The following PDE4D variants were observed in gnomAD, a reference collection of about 807,000 sequenced individuals.
PDE4D encodes 3',5'-cyclic-AMP phosphodiesterase 4D.
A neutral mutation model predicts 87.4 loss-of-function variants in PDE4D; 24 were observed. The observed-to-expected ratio is 0.27, with a 90% CI of 0.20 to 0.39. PDE4D has a LOEUF of 0.39. Ranked by LOEUF, PDE4D falls within the 10% of genes least tolerant of loss-of-function variation. The pLI, the probability that PDE4D is intolerant of heterozygous loss-of-function variation, is 1.00. For synonymous variants in PDE4D, 384 were observed against 383.2 expected (o/e 1.00, Z -0.02); for missense variants, 714 against 1,041.0 (o/e 0.69, Z 4.32).
In PDE4D at chr5:59,357,959, T is replaced by C. The variant is rs183341413; in HGVS notation, c.456-141991A>G. Among the ~76,000 whole-genome samples, 10 of 152,124 alleles carry C rather than the reference T, an allele frequency of 6.6e-5. No homozygotes were observed. In the East Asian group the frequency reaches 1.9e-3, roughly 29 times the overall value. ...TAGAGAGGCTTCAAGTGCCCAAGAGTGAATTTAACCCTCTCTGAACTGGAC... is the reference window on the plus strand; with the variant it reads ...TAGAGAGGCTTCAAGTGCCCAAGAGCGAATTTAACCCTCTCTGAACTGGAC... On this transcript the variant is annotated intron_variant, in intron 1 of 14. Coordinates refer to ENST00000340635, the MANE Select transcript of PDE4D (RefSeq NM_001104631.2).
intron 1 of PDE4D, among the ~76,000 whole-genome samples, chr5:60,269,874 A>C (rs1750631462): frequency 6.6e-6 from 1 of 152,236 alleles, no homozygotes; most frequent in Non-Finnish European, 1.5e-5. Flanking sequence ...AGAAACAAAA[A>C]GAGCAAAATC....
chr5:60,338,138 G>A (rs1757980197), intron 1 of PDE4D, among the ~76,000 whole-genome samples: 1 of 152,112 alleles, frequency 6.6e-6, no homozygotes, highest in Admixed American at 6.6e-5. Flanking sequence ...CTGCACAGGT[G>A]GGTCAGCACA....
At chr5:59,571,734 C>G (rs1821880609) in intron 1 of PDE4D, among the ~76,000 whole-genome samples, 1 of 152,130 alleles carries the variant, frequency 6.6e-6, no homozygotes, top group East Asian at 1.9e-4. Flanking sequence ...GTGCACTGAG[C>G]CTTTATATCC....
chr5:60,423,039 T>C (rs1205322061), intron 1 of PDE4D, among the ~76,000 whole-genome samples: 2 of 152,198 alleles, frequency 1.3e-5, no homozygotes, highest in Non-Finnish European at 2.9e-5. Context: ...TCCAGATTCA[T>C]AAAGCAAGTC....
intron 1 of PDE4D, among the ~76,000 whole-genome samples, chr5:60,401,376 A>G (rs2150046953): frequency 6.6e-6 from 1 of 152,342 alleles, no homozygotes; most frequent in East Asian, 1.9e-4. Flanking sequence ...AGGGCAAATG[A>G]TGATAAAAAG....
chr5:59,479,636 G>A (rs1429917636), intron 1 of PDE4D, among the ~76,000 whole-genome samples: 1 of 151,430 alleles, frequency 6.6e-6, no homozygotes, highest in Non-Finnish European at 1.5e-5. Flanking sequence ...ATGTATCAGA[G>A]ATCATCACAT....
At chr5:59,343,440 C>T (rs1431069553) in intron 1 of PDE4D, among the ~76,000 whole-genome samples, 1 of 152,116 alleles carries the variant, frequency 6.6e-6, no homozygotes, top group Non-Finnish European at 1.5e-5. Context: ...CTTATACTTA[C>T]TAGCTTTCAG....
intron 1 of PDE4D, among the ~76,000 whole-genome samples, chr5:59,258,661 A>G (rs1000056156): frequency 5.4e-5 from 8 of 148,844 alleles, no homozygotes; most frequent in African/African-American, 2.0e-4. Flanking sequence ...TTAGAAATAT[A>G]TATCATATAT....
In PDE4D at chr5:58,974,316, T is replaced by TAAAA. The variant is rs869287636; in HGVS notation, c.*344_*347dup. 1 of 122,056 alleles carries TAAAA rather than the reference T, an allele frequency of 8.2e-6. No individual in the cohort carries two copies. The highest frequency in any genetic ancestry group is 1.7e-5 in the Non-Finnish European group (1 of 58,012). The allele number at this position is 122,056 out of a possible 1,614,324, so 7.6% of individuals were successfully genotyped here. Reference sequence around the variant, plus strand: ...TTCTTCTGAAAATATTGCAAACAAATAAAAAGGAATAGAAACCCCAAGTCC... The same window carrying TAAAA: ...TTCTTCTGAAAATATTGCAAACAAATAAAAAAAAAGGAATAGAAACCCCAAGTCC... On this transcript the variant is annotated 3_prime_UTR_variant, in exon 15 of 15. Coordinates refer to ENST00000340635, the MANE Select transcript of PDE4D (RefSeq NM_001104631.2).
chr5:59,334,551 C>T (rs1291132571), intron 1 of PDE4D, among the ~76,000 whole-genome samples: 1 of 151,942 alleles, frequency 6.6e-6, no homozygotes, highest in Non-Finnish European at 1.5e-5. Flanking sequence ...AGGCACTGTG[C>T]CCGGTTGATC....
intron 1 of PDE4D, among the ~76,000 whole-genome samples, chr5:59,673,723 T>G (rs1236470870): frequency 6.6e-6 from 1 of 152,142 alleles, no homozygotes; most frequent in Non-Finnish European, 1.5e-5. Flanking sequence ...TACATTAGAA[T>G]TGAAAGAAGA....
At chr5:59,014,568 A>G (rs545412473) in intron 6 of PDE4D, among the ~76,000 whole-genome samples, 1 of 152,250 alleles carries the variant, frequency 6.6e-6, no homozygotes, top group East Asian at 1.9e-4. Context: ...ATAAAATACC[A>G]AGGAATCCAA....
In PDE4D at chr5:59,501,312, C is replaced by T. The variant is rs7705784; in HGVS notation, c.456-285344G>A. On this transcript the variant is annotated intron_variant, in intron 1 of 14. Transcript: ENST00000340635. ...GCTGGGATATGGAGATTACATAATA[C>T]ATTTGGGGTTCAGATTTGTTTACTT... Among the ~76,000 whole-genome samples the T allele has an allele frequency of 1.6e-3, 238 of 152,214 alleles. 2 individuals are homozygous for T. Among genetic ancestry groups the T allele is most frequent in the African/African-American group, 5.4e-3 (226 of 41,522 alleles).
chr5:59,332,592 T>A (rs986729968), intron 1 of PDE4D, among the ~76,000 whole-genome samples: 2 of 152,196 alleles, frequency 1.3e-5, no homozygotes, highest in African/African-American at 4.8e-5. Flanking sequence ...AAACTATACA[T>A]TAATACAGGC....
At chr5:59,068,566 A>T (rs745715239) in intron 5 of PDE4D, among the ~76,000 whole-genome samples, 5 of 152,196 alleles carry the variant, frequency 3.3e-5, no homozygotes, top group Non-Finnish European at 7.3e-5. Context: ...TGAAAATTTT[A>T]ATCTTATTAA....
At chr5:60,302,563 T>A (rs982331508) in intron 1 of PDE4D, among the ~76,000 whole-genome samples, 1 of 152,208 alleles carries the variant, frequency 6.6e-6, no homozygotes, top group Non-Finnish European at 1.5e-5. Context: ...CTCTCTTTTA[T>A]TCTTTTTTAG....
intron 5 of PDE4D, among the ~76,000 whole-genome samples, chr5:59,118,871 C>A (rs1222207675): frequency 2.0e-5 from 3 of 151,914 alleles, no homozygotes; most frequent in Non-Finnish European, 4.4e-5. Flanking sequence ...AAAACTTAGG[C>A]CAGAGGACTT....
At chr5:59,305,491 T>C (rs1436387834) in intron 1 of PDE4D, among the ~76,000 whole-genome samples, 1 of 152,020 alleles carries the variant, frequency 6.6e-6, no homozygotes, top group Non-Finnish European at 1.5e-5. Flanking sequence ...GGTGTGACTG[T>C]AGATTGTCTT....
At chr5:59,106,717 G>C (rs376260958) in intron 5 of PDE4D, among the ~76,000 whole-genome samples, 1 of 152,172 alleles carries the variant, frequency 6.6e-6, no homozygotes, top group East Asian at 1.9e-4. Context: ...CTGAGATCGC[G>C]CCATTGCACT....
Sources: allele counts gnomAD v4.1 joint callset (sites outside exome capture counted in the v4.1 genomes callset), GRCh38; gene constraint gnomAD v4.1.1; transcripts MANE v1.5; gene names NCBI Gene and HGNC (gene_info 2026-07-23, HGNC 2026-07-21).